The following SESN1 variants were observed in gnomAD, a reference collection of about 807,000 sequenced individuals.
SESN1 encodes the protein sestrin-1.
In SESN1, 30 loss-of-function variants were observed where a neutral mutation model predicts 59.3. The observed-to-expected ratio is 0.51, with a 90% confidence interval of 0.38 to 0.69. The LOEUF is 0.69. Ranked by LOEUF, SESN1 falls within the 30% of genes least tolerant of loss-of-function variation. The pLI, the probability that SESN1 is intolerant of heterozygous loss-of-function variation, is 0.00. For missense variants in SESN1, 566 were observed against 673.0 expected, an observed-to-expected ratio of 0.84 and a Z score of 1.76; for synonymous variants, 197 against 219.9, an observed-to-expected ratio of 0.90 and a Z score of 0.92.
chr6:109,047,797 C>CG (rs1780477144), intron 1 of SESN1, among the ~76,000 whole-genome samples: 1 of 144,274 alleles, frequency 6.9e-6, no homozygotes, highest in African/African-American at 2.5e-5. Flanking sequence ...GACCTTACCC[C>CG]CAACCCTGTG....
intron 7 of SESN1, among the ~76,000 whole-genome samples, chr6:108,991,301 G>A (rs1012472641): frequency 1.3e-5 from 2 of 152,012 alleles, no homozygotes; most frequent in African/African-American, 2.4e-5. Flanking sequence ...GAGTACAATG[G>A]TATGATCACA....
At position 108,986,660 on chromosome 6, in the gene SESN1, A is replaced by C. The variant is rs1393341285; in HGVS notation, c.*884T>G. On this transcript the variant is annotated 3_prime_UTR_variant, in exon 10 of 10. Coordinates refer to ENST00000436639, the MANE Select transcript of SESN1 (RefSeq NM_014454.3). Reference sequence around the variant, plus strand: ...CTGCACAGCCTTTAAAGTGGGGACCAGGAGGCAGGCAGAGGCAGAGAGACT... The same window carrying C: ...CTGCACAGCCTTTAAAGTGGGGACCCGGAGGCAGGCAGAGGCAGAGAGACT... The C allele has an allele frequency of 6.6e-6, 1 of 152,516 alleles. No homozygotes were observed. The highest frequency in any genetic ancestry group is 6.5e-5 in the Admixed American group (1 of 15,284). The allele number at this position is 152,516 out of a possible 1,614,324, so 9.4% of individuals were successfully genotyped here.
chr6:108,992,890 T>A lies in SESN1; in HGVS notation c.1130A>T (p.Glu377Val), dbSNP rs762697538. 4 of 1,600,410 alleles carry A rather than the reference T, an allele frequency of 2.5e-6. No homozygotes were observed. The Admixed American group carries it at 5.1e-5, about 20-fold the overall frequency. Residue 377 changes from glutamate (E) to valine (V), a missense_variant, in exon 7 of 10, where the codon GAA becomes GTA. By Grantham distance (121) the Glu-to-Val change is moderately radical. Coordinates refer to ENST00000436639, the MANE Select transcript of SESN1 (RefSeq NM_014454.3). ...SMFVFSSDDEEVTPARAVSRH... is the reference protein window; with the variant it reads ...SMFVFSSDDEVVTPARAVSRH... ...AGATACAGCTCTTGCTGGTGTAACT[T>A]CTTCATCATCTGGGAAAAAAGGCCA...
chr6:109,059,207 G>C (rs764741144), intron 1 of SESN1, among the ~76,000 whole-genome samples: 1 of 151,970 alleles, frequency 6.6e-6, no homozygotes, highest in South Asian at 2.1e-4. Context: ...TTAACTTTGA[G>C]ATGTAAAAAA....
chr6:109,075,635 A>G (rs1307907021), intron 1 of SESN1, among the ~76,000 whole-genome samples: 2 of 151,732 alleles, frequency 1.3e-5, no homozygotes, highest in Non-Finnish European at 2.9e-5. Flanking sequence ...TTGGATGAAA[A>G]CTCTTCCCAA....
At chr6:109,006,346 T>C (rs577509533) in intron 1 of SESN1, among the ~76,000 whole-genome samples, 4 of 152,210 alleles carry the variant, frequency 2.6e-5, no homozygotes, top group East Asian at 1.9e-4. Context: ...ATGTGCACAA[T>C]GTGCAGGTTT....
intron 1 of SESN1, among the ~76,000 whole-genome samples, chr6:109,045,556 A>G (rs1780415702): frequency 6.6e-6 from 1 of 152,186 alleles, no homozygotes; most frequent in African/African-American, 2.4e-5. Flanking sequence ...ATGGTTCTGT[A>G]CTTTTGCACA....
Position 109,036,307 on chromosome 6 carries a change from C to T in SESN1, c.280-33964G>A, listed in dbSNP as rs145453892. On this transcript the variant is annotated intron_variant, in intron 1 of 9. Coordinates refer to ENST00000436639, the MANE Select transcript of SESN1 (RefSeq NM_014454.3). ...AATCAGCTTTTGTGGGTTGGCTTTACGATTTGTCTGAGTGAAAAAGTAAGT... is the reference window on the plus strand; with the variant it reads ...AATCAGCTTTTGTGGGTTGGCTTTATGATTTGTCTGAGTGAAAAAGTAAGT... 4.6e-5 allele frequency among the ~76,000 whole-genome samples: 7 copies of T among 152,228 alleles called. No homozygotes were observed. In the East Asian group the frequency reaches 1.3e-3, roughly 29 times the overall value.
chr6:109,082,963 G>A (rs981213955), intron 1 of SESN1, among the ~76,000 whole-genome samples: 18 of 152,106 alleles, frequency 1.2e-4, no homozygotes, highest in African/African-American at 4.3e-4. Context: ...CTATGTGTTA[G>A]GTTTACTTCT....
intron 1 of SESN1, among the ~76,000 whole-genome samples, chr6:109,020,182 CTTTTT>C (rs1258415768): frequency 6.6e-6 from 1 of 152,088 alleles, no homozygotes; most frequent in African/African-American, 2.4e-5. Flanking sequence ...TAAGCTTCTT[CTTTTT>C]TTCTTTTTTT....
intron 1 of SESN1, among the ~76,000 whole-genome samples, chr6:109,087,760 A>C (rs965283907): frequency 6.6e-5 from 10 of 152,214 alleles, no homozygotes; most frequent in African/African-American, 2.4e-4. Flanking sequence ...GAATGTCTCC[A>C]ATCTGTTATA....
rs3029194 is a variant in SESN1, at chr6:108,987,806, C to CT, written c.1570-177dup. ...ATAAATTTCTCAAAACAGCAGCTAT[C>CT]TTTTTTTTTTTTTTTTGATGCACAC... On this transcript the variant is annotated intron_variant, in intron 9 of 9. Coordinates refer to ENST00000436639, the MANE Select transcript of SESN1 (RefSeq NM_014454.3). 2.8e-3 allele frequency among the ~76,000 whole-genome samples: 373 copies of CT among 135,538 alleles called. 3 individuals are homozygous for CT. Among genetic ancestry groups the CT allele is most frequent in the Middle Eastern group, 0.025 (6 of 244 alleles). 88.9% of individuals were successfully genotyped at this position (135,538 alleles called of 152,430 possible).
intron 1 of SESN1, among the ~76,000 whole-genome samples, chr6:109,080,819 A>C (rs955417133): frequency 1.3e-5 from 2 of 152,146 alleles, no homozygotes; most frequent in African/African-American, 2.4e-5. Context: ...AATGCTCCAA[A>C]GTCTGAAACA....
In SESN1 at chr6:108,988,789, CTT is replaced by C. The variant is rs1462612654; in HGVS notation, c.1425-104_1425-103del. 11 of 932,636 alleles carry C rather than the reference CTT, an allele frequency of 1.2e-5. No homozygotes were observed. In the African/African-American group the frequency reaches 1.5e-4, roughly 13 times the overall value. 57.8% of individuals were successfully genotyped at this position (932,636 alleles called of 1,614,324 possible). ...ATAGTTAATACTGTATTTTTTCTCT[CTT>C]TGTGTAGGCAGCTGTCCCCAAAAAT... On this transcript the variant is annotated intron_variant, in intron 8 of 9. Coordinates refer to ENST00000436639, the MANE Select transcript of SESN1 (RefSeq NM_014454.3).
chr6:109,032,891 G>A (rs1780205162), intron 1 of SESN1, among the ~76,000 whole-genome samples: 1 of 152,062 alleles, frequency 6.6e-6, no homozygotes, highest in Non-Finnish European at 1.5e-5. Flanking sequence ...TGCTAAAAGG[G>A]AAGAATTCAA....
chr6:109,047,472 G>C (rs1780470339), intron 1 of SESN1, among the ~76,000 whole-genome samples: 1 of 129,428 alleles, frequency 7.7e-6, no homozygotes, highest in Non-Finnish European at 1.7e-5. Flanking sequence ...GAGGGAGGTG[G>C]GGGGGTCAGC....
intron 1 of SESN1, among the ~76,000 whole-genome samples, chr6:109,040,491 T>C (rs2114413801): frequency 6.6e-6 from 1 of 152,262 alleles, no homozygotes; most frequent in African/African-American, 2.4e-5. Flanking sequence ...TCTCATTCCT[T>C]GTGTACATAC....
intron 1 of SESN1, among the ~76,000 whole-genome samples, chr6:109,091,801 T>C (rs1327487216): frequency 6.6e-6 from 1 of 152,262 alleles, no homozygotes; most frequent in Non-Finnish European, 1.5e-5. Flanking sequence ...TAAACATTTG[T>C]TGCATAACTG....
chr6:109,069,495 A>G (rs1437563310), intron 1 of SESN1, among the ~76,000 whole-genome samples: 1 of 152,178 alleles, frequency 6.6e-6, no homozygotes, highest in Non-Finnish European at 1.5e-5. Flanking sequence ...GGTAAAAGTA[A>G]AAACATCTTC....
Sources: allele counts gnomAD v4.1 joint callset (sites outside exome capture counted in the v4.1 genomes callset), GRCh38; gene constraint gnomAD v4.1.1; transcripts MANE v1.5; gene names NCBI Gene and HGNC (gene_info 2026-07-23, HGNC 2026-07-21).